The following PPP6R3 variants were observed in gnomAD, a reference collection of about 807,000 sequenced individuals.
The protein encoded by PPP6R3 is serine/threonine-protein phosphatase 6 regulatory subunit 3.
PPP6R3 carries 38 observed loss-of-function variants against 110.7 expected under a neutral mutation model. The ratio of observed to expected loss-of-function variants is 0.34; its 90% CI spans 0.26 to 0.45. The LOEUF is 0.45. Ranked by LOEUF, PPP6R3 falls within the 20% of genes least tolerant of loss-of-function variation. The probability of loss-of-function intolerance (pLI) is 1.00; values close to 1 mark genes in which losing one functional copy is unlikely to be tolerated. For synonymous variants in PPP6R3, 369 were observed against 373.5 expected (o/e 0.99, Z 0.14); for missense variants, 870 against 1,062.4 (o/e 0.82, Z 2.52).
At chr11:68,593,066 A>C (rs2099600366) in intron 18 of PPP6R3, among the ~76,000 whole-genome samples, 1 of 152,196 alleles carries the variant, frequency 6.6e-6, no homozygotes, top group Admixed American at 6.5e-5. Flanking sequence ...CATTTATTTC[A>C]GTTGTACAGT....
intron 1 of PPP6R3, among the ~76,000 whole-genome samples, chr11:68,462,257 C>G (rs1294407064): frequency 6.6e-6 from 1 of 152,154 alleles, no homozygotes. Flanking sequence ...TGAGTCCCGA[C>G]TCTTGGTGAC....
chr11:68,465,247 G>C (rs988603953), intron 1 of PPP6R3, among the ~76,000 whole-genome samples: 1 of 152,164 alleles, frequency 6.6e-6, no homozygotes, highest in African/African-American at 2.4e-5. Context: ...CAGTTTACCA[G>C]TTCTGCCCAT....
At chr11:68,593,125 A>G (rs1238738825) in intron 18 of PPP6R3, among the ~76,000 whole-genome samples, 1 of 152,232 alleles carries the variant, frequency 6.6e-6, no homozygotes, top group Non-Finnish European at 1.5e-5. Flanking sequence ...TATCCCAATC[A>G]ACATCATGAA....
At chr11:68,515,868 A>T (rs2099134105) in intron 1 of PPP6R3, among the ~76,000 whole-genome samples, 1 of 152,228 alleles carries the variant, frequency 6.6e-6, no homozygotes, top group Admixed American at 6.5e-5. Flanking sequence ...TTCTTTAGAC[A>T]TTGCCCCATT....
At chr11:68,569,234 A>G (rs886393829) in intron 10 of PPP6R3, among the ~76,000 whole-genome samples, 5 of 152,190 alleles carry the variant, frequency 3.3e-5, no homozygotes, top group Admixed American at 1.3e-4. Context: ...TCAGATAAGC[A>G]GATAGCACGC....
chr11:68,544,659 T>C (rs2099340750), intron 3 of PPP6R3, among the ~76,000 whole-genome samples, 179 bp from the exon 4 acceptor site: 1 of 152,250 alleles, frequency 6.6e-6, no homozygotes, highest in African/African-American at 2.4e-5. Flanking sequence ...TTTTAGATAG[T>C]AGAAAATTTA....
chr11:68,548,358 T>A (rs2099357423), intron 5 of PPP6R3, among the ~76,000 whole-genome samples, 154 bp downstream of exon 5: 1 of 152,176 alleles, frequency 6.6e-6, no homozygotes, highest in South Asian at 2.1e-4. Flanking sequence ...GAAAGGTTGT[T>A]CCAAGATAGG....
At chr11:68,612,167 A>G (rs1268899263) in intron 23 of PPP6R3, among the ~76,000 whole-genome samples, 1 of 152,196 alleles carries the variant, frequency 6.6e-6, no homozygotes, top group Non-Finnish European at 1.5e-5. Context: ...CAAGTTAGTT[A>G]TATACCAGTT....
chr11:68,461,424 T>G (rs1177655120), intron 1 of PPP6R3, among the ~76,000 whole-genome samples: 1 of 151,282 alleles, frequency 6.6e-6, no homozygotes, highest in Non-Finnish European at 1.5e-5. Context: ...CCCAGTGGCT[T>G]TTTAACTCCT....
At chr11:68,539,159 G>T (rs1243896604) in intron 3 of PPP6R3, among the ~76,000 whole-genome samples, 1 of 152,138 alleles carries the variant, frequency 6.6e-6, no homozygotes, top group Non-Finnish European at 1.5e-5. Context: ...TTGAATTGGG[G>T]CTTATCCCTG....
intron 20 of PPP6R3, 49 bp downstream of exon 20, chr11:68,600,543 A>G (rs368262588): frequency 1.1e-5 from 17 of 1,574,380 alleles, no homozygotes; most frequent in East Asian, 2.3e-5. Flanking sequence ...GGACCTGGGA[A>G]TGGTCAGGTG....
At chr11:68,594,322 A>AAGAGAGAGAGAGAG (rs535164223) in intron 18 of PPP6R3, among the ~76,000 whole-genome samples, 1 of 125,472 alleles carries the variant, frequency 8.0e-6, no homozygotes, top group African/African-American at 3.3e-5. Flanking sequence ...GAGAGAGAAA[A>AAGAGAGAGAGAGAG]AGAGAGAGAG....
intron 3 of PPP6R3, 43 bp downstream of exon 3, chr11:68,537,934 A>T: frequency 7.1e-7 from 1 of 1,404,862 alleles, no homozygotes; most frequent in Non-Finnish European, 1.0e-6. Context: ...ACTAAAGTGA[A>T]GTGGGGGTAG....
At chr11:68,513,724 A>G (rs956679569) in intron 1 of PPP6R3, among the ~76,000 whole-genome samples, 1 of 152,216 alleles carries the variant, frequency 6.6e-6, no homozygotes, top group African/African-American at 2.4e-5. Context: ...ATCATATTCA[A>G]TACTGGTGGT....
intron 19 of PPP6R3, among the ~76,000 whole-genome samples, chr11:68,597,873 G>A (rs11608039): frequency 0.057 from 8,550 of 151,316 alleles, 256 homozygotes; most frequent in Middle Eastern, 0.13. Context: ...CCAGCTACTC[G>A]GGAGGCTGAA....
At chr11:68,494,550 A>G (rs1055685357) in intron 1 of PPP6R3, among the ~76,000 whole-genome samples, 1 of 152,126 alleles carries the variant, frequency 6.6e-6, no homozygotes, top group Non-Finnish European at 1.5e-5. Flanking sequence ...CTGGATATAA[A>G]GGAATACCTT....
chr11:68,516,151 G>A lies in PPP6R3; in HGVS notation c.-157-3350G>A, dbSNP rs73521406. Among the ~76,000 whole-genome samples, 1,234 of 152,270 alleles carry A rather than the reference G, an allele frequency of 8.1e-3. 16 individuals carry two copies. The highest frequency in any genetic ancestry group is 0.029 in the African/African-American group (1,192 of 41,552). On this transcript the variant is annotated intron_variant, in intron 1 of 23. Coordinates refer to ENST00000393800, the MANE Select transcript of PPP6R3 (RefSeq NM_001164161.2). ...CTTTATGGTTCATCTACATTGTAGC[G>A]TATATCAGAATTTCCTGTTCAAGAC...
intron 2 of PPP6R3, among the ~76,000 whole-genome samples, chr11:68,527,313 C>G (rs1399830086): frequency 6.6e-6 from 1 of 152,200 alleles, no homozygotes; most frequent in Non-Finnish European, 1.5e-5. Context: ...AGGCTCACCC[C>G]TCTCCAATCT....
At chr11:68,588,721 A>T (rs2099586510) in intron 16 of PPP6R3, among the ~76,000 whole-genome samples, 1 of 150,522 alleles carries the variant, frequency 6.6e-6, no homozygotes, top group Non-Finnish European at 1.5e-5. Flanking sequence ...CTGGGATTAC[A>T]GGCGTGAGTC....
Sources: gnomAD v4.1 joint callset for allele counts (sites outside exome capture counted in the v4.1 genomes callset) on GRCh38, gnomAD v4.1.1 for gene constraint, MANE v1.5 for transcripts, NCBI Gene and HGNC (gene_info 2026-07-23, HGNC 2026-07-21) for gene names.